CSMD1: variants seen among roughly 807,000 people sequenced by gnomAD.
The protein encoded by CSMD1 is CUB and sushi domain-containing protein 1.
CSMD1 carries 213 observed loss-of-function variants against 417.5 expected under a neutral mutation model. The ratio of observed to expected loss-of-function variants is 0.51; its 90% CI spans 0.46 to 0.57. The LOEUF (loss-of-function observed/expected upper bound fraction) is 0.57, where lower values mean the gene tolerates loss of function less well. Among genes scored for constraint, CSMD1 ranks in the 20% least tolerant of loss-of-function variants. The pLI is 0.00. For synonymous variants in CSMD1, 2,862 were observed against 1,736.8 expected, an observed-to-expected ratio of 1.65 and a Z score of -16.11; for missense variants, 6,923 against 4,529.7, an observed-to-expected ratio of 1.53 and a Z score of -15.17.
At chr8:4,926,695 C>T (rs1167817058) in intron 1 of CSMD1, among the ~76,000 whole-genome samples, 2 of 151,992 alleles carry the variant, frequency 1.3e-5, no homozygotes, top group East Asian at 3.9e-4. Context: ...TTTTTTCGGT[C>T]AGTTAATACA....
At chr8:3,007,250 C>A (rs1459592036) in intron 52 of CSMD1, among the ~76,000 whole-genome samples, 7 of 150,806 alleles carry the variant, frequency 4.6e-5, no homozygotes, top group African/African-American at 1.7e-4. Context: ...GTTAGAATGG[C>A]GATCATTAAA....
intron 1 of CSMD1, among the ~76,000 whole-genome samples, chr8:4,713,214 A>G (rs1026160811): frequency 3.3e-5 from 5 of 152,218 alleles, no homozygotes; most frequent in African/African-American, 9.6e-5. Context: ...TTTAGACCAA[A>G]TTAGTTTCAG....
intron 2 of CSMD1, among the ~76,000 whole-genome samples, chr8:4,609,524 C>G (rs1187110153): frequency 6.6e-6 from 1 of 152,156 alleles, no homozygotes; most frequent in Non-Finnish European, 1.5e-5. Flanking sequence ...TTAAACAACA[C>G]TATGCTTTCT....
intron 5 of CSMD1, among the ~76,000 whole-genome samples, chr8:3,981,129 C>T (rs1216010912): frequency 2.0e-5 from 3 of 152,164 alleles, no homozygotes; most frequent in Non-Finnish European, 4.4e-5. Context: ...AGGAGTCCTC[C>T]AGATGGAAAA....
chr8:4,641,504 C>A (rs77009235), intron 1 of CSMD1, among the ~76,000 whole-genome samples: 1 of 152,084 alleles, frequency 6.6e-6, no homozygotes, highest in African/African-American at 2.4e-5. Context: ...TTCACATATA[C>A]TCTTTGTTGA....
At chr8:3,472,293 T>A (rs1472082809) in intron 11 of CSMD1, among the ~76,000 whole-genome samples, 1 of 152,158 alleles carries the variant, frequency 6.6e-6, no homozygotes, top group East Asian at 1.9e-4. Context: ...CTAACCCCTC[T>A]TGCTGACCAC....
At chr8:3,475,199 G>T (rs1817335599) in intron 11 of CSMD1, among the ~76,000 whole-genome samples, 1 of 151,962 alleles carries the variant, frequency 6.6e-6, no homozygotes, top group Non-Finnish European at 1.5e-5. Context: ...TAGGATTTTT[G>T]CCTCTAGGTC....
chr8:3,957,888 G>C (rs1229776653), intron 5 of CSMD1, among the ~76,000 whole-genome samples: 1 of 152,196 alleles, frequency 6.6e-6, no homozygotes, highest in South Asian at 2.1e-4. Flanking sequence ...GGCTATCGCT[G>C]TATAATAATC....
chr8:3,091,499 A>C lies in CSMD1; in HGVS notation c.7285+17T>G. 1 of 1,573,590 alleles carries C rather than the reference A, an allele frequency of 6.4e-7. No homozygotes were observed. The highest frequency in any genetic ancestry group is 1.2e-5 in the South Asian group (1 of 83,884). ...TTTAAAATACTTTCATATAAAATCT[A>C]AACCTCATTTACTTACCTGCATAGC... On this transcript the variant is annotated intron_variant, in intron 48 of 69. Transcript: ENST00000635120.
At chr8:4,929,152 C>T (rs1283059129) in intron 1 of CSMD1, among the ~76,000 whole-genome samples, 2 of 152,104 alleles carry the variant, frequency 1.3e-5, no homozygotes, top group African/African-American at 2.4e-5. Context: ...GATGTGGACA[C>T]ACAGAGAAAG....
chr8:4,242,847 A>C (rs1802482320), intron 3 of CSMD1, among the ~76,000 whole-genome samples: 1 of 152,216 alleles, frequency 6.6e-6, no homozygotes, highest in African/African-American at 2.4e-5. Context: ...TGAAGTCACT[A>C]GGTAAATTAG....
intron 69 of CSMD1, among the ~76,000 whole-genome samples, chr8:2,939,421 T>C (rs1801710128): frequency 1.3e-5 from 2 of 152,250 alleles, no homozygotes; most frequent in African/African-American, 4.8e-5. Flanking sequence ...ATACTCATTA[T>C]TAAACTGTTG....
intron 3 of CSMD1, among the ~76,000 whole-genome samples, chr8:4,304,594 C>T (rs752649531): frequency 6.6e-6 from 1 of 152,064 alleles, no homozygotes. Context: ...ATGTCAAATC[C>T]TCTTTAATAT....
At chr8:3,599,045 C>T (rs1315087993) in intron 8 of CSMD1, among the ~76,000 whole-genome samples, 1 of 152,022 alleles carries the variant, frequency 6.6e-6, no homozygotes, top group Non-Finnish European at 1.5e-5. Context: ...TGCAACAATG[C>T]ACTCCAGCCT....
intron 57 of CSMD1, among the ~76,000 whole-genome samples, chr8:2,970,356 A>T (rs530036552): frequency 5.3e-5 from 8 of 152,220 alleles, no homozygotes; most frequent in Non-Finnish European, 8.8e-5. Flanking sequence ...GTGAATGGCC[A>T]TCTTTGATAG....
intron 1 of CSMD1, among the ~76,000 whole-genome samples, chr8:4,703,600 G>C (rs1343598865): frequency 6.6e-6 from 1 of 152,086 alleles, no homozygotes; most frequent in African/African-American, 2.4e-5. Context: ...TTGGTGTTAA[G>C]GAAATATTTC....
At chr8:3,255,674 G>A (rs901941104) in intron 26 of CSMD1, among the ~76,000 whole-genome samples, 3 of 152,230 alleles carry the variant, frequency 2.0e-5, no homozygotes, top group Non-Finnish European at 4.4e-5. Flanking sequence ...AGCCATGCAC[G>A]GGATATAATC....
At chr8:4,845,556 G>C (rs999554867) in intron 1 of CSMD1, among the ~76,000 whole-genome samples, 4 of 152,194 alleles carry the variant, frequency 2.6e-5, no homozygotes, top group Admixed American at 6.5e-5. Context: ...GGCCTACGTG[G>C]TTTCTTAGAA....
intron 5 of CSMD1, among the ~76,000 whole-genome samples, chr8:3,995,048 G>A (rs1197522166): frequency 6.6e-6 from 1 of 152,084 alleles, no homozygotes; most frequent in African/African-American, 2.4e-5. Context: ...ATGCAATTCG[G>A]GAATGGGGAA....
Sources: gnomAD v4.1 joint callset for allele counts (sites outside exome capture counted in the v4.1 genomes callset) on GRCh38, gnomAD v4.1.1 for gene constraint, MANE v1.5 for transcripts, NCBI Gene and HGNC (gene_info 2026-07-23, HGNC 2026-07-21) for gene names.